C19orf38: variants seen among roughly 807,000 people sequenced by gnomAD.
C19orf38 encodes the protein protein HIDE1.
In C19orf38, 14 loss-of-function variants were observed where a neutral mutation model predicts 26.6. The ratio of observed to expected loss-of-function variants is 0.53; its 90% confidence interval spans 0.35 to 0.82. The LOEUF is 0.82. Ranked by LOEUF, C19orf38 falls within the 40% of genes least tolerant of loss-of-function variation. The pLI is 0.01. For missense variants in C19orf38, 261 were observed against 299.5 expected (o/e 0.87, Z 0.95); for synonymous variants, 132 against 128.5 (o/e 1.03, Z -0.18).
At chr19:10,866,278 G>A (rs2073750360) in intron 6 of C19orf38, among the ~76,000 whole-genome samples, 1 of 148,772 alleles carries the variant, frequency 6.7e-6, no homozygotes, top group Non-Finnish European at 1.5e-5. Context: ...TTGGCTCACT[G>A]CAACCTCAAC....
At position 10,850,245 on chromosome 19, in the gene C19orf38, C is replaced by T; in HGVS notation, c.32-14C>T. On this transcript the variant is annotated splice_polypyrimidine_tract_variant and intron_variant, in intron 1 of 6. Transcript: ENST00000397820. The stretch of plus-strand genomic sequence containing the variant: ...CTCACCACGCACCCACCCACCTTAC[C>T]CTCTGCATTGCAGGCTCCTTGGCGA... 1 of 1,546,982 alleles carries T rather than the reference C, an allele frequency of 6.5e-7. No homozygotes were observed. The highest frequency in any genetic ancestry group is 8.7e-7 in the Non-Finnish European group (1 of 1,145,604).
chr19:10,856,478 C>A, intron 3 of C19orf38, 121 bp downstream of exon 3: 1 of 629,140 alleles, frequency 1.6e-6, no homozygotes, highest in East Asian at 3.2e-5. Flanking sequence ...GTTCATCACA[C>A]CCCTTTTAAA....
intron 6 of C19orf38, among the ~76,000 whole-genome samples, chr19:10,864,265 T>G (rs1373863709): frequency 6.6e-6 from 1 of 152,076 alleles, no homozygotes; most frequent in East Asian, 1.9e-4. Context: ...TTCACCATGC[T>G]GGCCAGGCTG....
chr19:10,856,612 TC>T (rs1388518552), intron 3 of C19orf38, among the ~76,000 whole-genome samples: 5 of 152,122 alleles, frequency 3.3e-5, no homozygotes, highest in African/African-American at 1.2e-4. Flanking sequence ...CAAGCAATTC[TC>T]CTGCCTCAGC....
intron 1 of C19orf38, among the ~76,000 whole-genome samples, chr19:10,849,927 T>C (rs1159223270): frequency 6.6e-6 from 1 of 151,892 alleles, no homozygotes; most frequent in African/African-American, 2.4e-5. Context: ...TGGCCAGGCA[T>C]AGTGCCACAT....
In C19orf38 at chr19:10,848,527, C is replaced by G; in HGVS notation, c.19C>G (p.Leu7Val). MPWTIL[L>V]FAAGSLAIPA... ...GAGAGAGATGCCCTGGACCATCTTG[C>G]TCTTTGCAGCTGGTGAGTCTGAAGC... The change falls in exon 1 of 7, where the codon CTC (leucine) becomes GTC (valine). Residue 7 changes from leucine to valine, a missense_variant. Physicochemically the swap from Leu to Val is conservative, Grantham distance 32. Coordinates refer to ENST00000397820, the MANE Select transcript of C19orf38 (RefSeq NM_001136482.3). 1.3e-6 allele frequency: 2 copies of G among 1,551,668 alleles called. No homozygotes were observed. Among genetic ancestry groups the G allele is most frequent in the South Asian group, 1.2e-5 (1 of 84,056 alleles).
At position 10,869,620 on chromosome 19, in the gene C19orf38, C is replaced by G. The variant is rs2073784662; in HGVS notation, c.*253C>G. The G allele has an allele frequency of 2.0e-6, 1 of 495,394 alleles. No homozygotes were observed. The highest frequency in any genetic ancestry group is 3.5e-6 in the Non-Finnish European group (1 of 288,234). The allele number at this position is 495,394 out of a possible 1,614,324, so 30.7% of individuals were successfully genotyped here. A position where few individuals can be genotyped will look rare whatever the true frequency, so the allele number is the denominator to read the frequency against. On this transcript the variant is annotated 3_prime_UTR_variant, in exon 7 of 7. Coordinates refer to ENST00000397820, the MANE Select transcript of C19orf38 (RefSeq NM_001136482.3). ...TCAGGACCACCAGAGAAGGAGATGT[C>G]AGGACCCCTTCTTGTCCCCCAGCTG...
upstream of C19orf38, chr19:10,848,361 G>A (rs1599658507): frequency 2.5e-6 from 2 of 796,326 alleles, no homozygotes; most frequent in East Asian, 5.4e-5. Context: ...CCAAGCCTGT[G>A]TGTGCAACTT....
rs990431864 is a variant in C19orf38, at chr19:10,848,426, G to A, written c.-83G>A. 11 of 1,439,940 alleles carry A rather than the reference G, an allele frequency of 7.6e-6. No individual in the cohort carries two copies. Among genetic ancestry groups the A allele is most frequent in the African/African-American group, 1.4e-5 (1 of 70,880 alleles). The allele number at this position is 1,439,940 out of a possible 1,614,324, so 89.2% of individuals were successfully genotyped here. A position where few individuals can be genotyped will look rare whatever the true frequency, so the allele number is the denominator to read the frequency against. ...AATCAGCCCTGGTTCTCCTTTCCCC[G>A]ATCTGGCCTCACAGGAGGAGTTGGC... is the stretch of plus-strand genomic sequence containing the variant. On this transcript the variant is annotated 5_prime_UTR_variant, in exon 1 of 7. Transcript: ENST00000397820.
At chr19:10,859,497 C>T (rs1263111433) in intron 4 of C19orf38, among the ~76,000 whole-genome samples, 1 of 150,466 alleles carries the variant, frequency 6.6e-6, no homozygotes, top group Non-Finnish European at 1.5e-5. Flanking sequence ...ATTCTCCTGC[C>T]TCAGACTCCT....
Position 10,866,034 on chromosome 19 carries a change from T to C in C19orf38, c.543+2827T>C, listed in dbSNP as rs549249260. On this transcript the variant is annotated intron_variant, in intron 6 of 6. Transcript: ENST00000397820. The stretch of plus-strand genomic sequence containing the variant: ...ATTTTTCTTCCTTTTTATTTTTAAA[T>C]TTTATTTTATTAATTTTTTGAGATG... 4.6e-5 allele frequency among the ~76,000 whole-genome samples: 7 copies of C among 151,650 alleles called. No homozygotes were observed. In the South Asian group the frequency reaches 1.5e-3, roughly 32 times the overall value.
chr19:10,852,079 G>A, intron 2 of C19orf38, among the ~76,000 whole-genome samples: 1 of 152,026 alleles, frequency 6.6e-6, no homozygotes, highest in Non-Finnish European at 1.5e-5. Flanking sequence ...TTGAATCTGG[G>A]AGGCGGAGGT....
intron 5 of C19orf38, 169 bp downstream of exon 5, chr19:10,860,127 C>T (rs894225766): frequency 2.9e-6 from 2 of 694,682 alleles, no homozygotes; most frequent in African/African-American, 1.8e-5. Context: ...TCTCCTTTGA[C>T]TTAACCTAAA....
At chr19:10,841,863 G>C (rs1377113764) in intron 1 of C19orf38, 2 of 1,507,702 alleles carry the variant, frequency 1.3e-6, no homozygotes, top group African/African-American at 2.8e-5. Flanking sequence ...ATTTCCTGAG[G>C]GAATGGGAGG....
At chr19:10,858,472 AGCCATTTATTAAGTGCCTCCTGTGT>A (rs1247122281) in intron 4 of C19orf38, 129 bp downstream of exon 4, 1 of 882,012 alleles carries the variant, frequency 1.1e-6, no homozygotes, top group African/African-American at 1.7e-5. Context: ...TAGGAACAGG[AGCCATTTATTAAGTGCCTCCTGTGT>A]GCTGGAGGAC....
chr19:10,840,027 A>G (rs2073467595), intron 1 of C19orf38, among the ~76,000 whole-genome samples: 2 of 151,900 alleles, frequency 1.3e-5, no homozygotes, highest in Admixed American at 6.6e-5. Context: ...TGGCCCCACA[A>G]TTTCTTTAGC....
chr19:10,842,284 G>A (rs926521534), intron 1 of C19orf38: 24 of 891,548 alleles, frequency 2.7e-5, no homozygotes, highest in Middle Eastern at 6.7e-4. Context: ...TTTTTGAGAC[G>A]GAGTCTCACT....
intron 1 of C19orf38, among the ~76,000 whole-genome samples, chr19:10,839,670 C>A (rs989087842): frequency 6.6e-6 from 1 of 151,278 alleles, no homozygotes; most frequent in African/African-American, 2.4e-5. Context: ...TATTTAATTC[C>A]TTTTTATGGC....
rs762859215 is a variant in C19orf38, at chr19:10,863,204, C to T, written c.540C>T (p.Ser180=). The T allele has an allele frequency of 2.3e-5, 35 of 1,551,224 alleles. No homozygotes were observed. The highest frequency in any genetic ancestry group is 4.9e-5 in the East Asian group (2 of 40,926). ...MSFDNSLFTV[S]AKTMPEEDPA... ...TCGATAACTCCCTGTTTACCGTCTC[C>T]GCGGTGAGTGGTTCTTTTTCTTGGA... The change falls in exon 6 of 7, where the codon TCC becomes TCT. Residue 180 remains serine, a synonymous_variant. Coordinates refer to ENST00000397820, the MANE Select transcript of C19orf38 (RefSeq NM_001136482.3).
Sources: gnomAD v4.1 joint callset for allele counts (sites outside exome capture counted in the v4.1 genomes callset) on GRCh38, gnomAD v4.1.1 for gene constraint, MANE v1.5 for transcripts, NCBI Gene and HGNC (gene_info 2026-07-23, HGNC 2026-07-21) for gene names.